The following GRXCR2 variants were observed in gnomAD, a reference collection of about 807,000 sequenced individuals.
GRXCR2 encodes the protein glutaredoxin domain-containing cysteine-rich protein 2.
GRXCR2 carries 23 observed loss-of-function variants against 24.8 expected under a neutral mutation model. The observed-to-expected ratio is 0.93, with a 90% CI of 0.67 to 1.32. The LOEUF (loss-of-function observed/expected upper bound fraction) is 1.32. Among genes scored for constraint, GRXCR2 ranks in the 40% most tolerant of loss-of-function variants. The probability of loss-of-function intolerance (pLI) is 0.00; values close to 1 mark genes in which losing one functional copy is unlikely to be tolerated. For synonymous variants in GRXCR2, 130 were observed against 116.1 expected, an observed-to-expected ratio of 1.12 and a Z score of -0.77; for missense variants, 315 against 303.4, an observed-to-expected ratio of 1.04 and a Z score of -0.28.
At position 145,859,870 on chromosome 5, in the gene GRXCR2, C is replaced by T. The variant is rs922041995; in HGVS notation, c.610G>A (p.Gly204Ser). 2.5e-6 allele frequency: 4 copies of T among 1,608,698 alleles called. No individual in the cohort carries two copies. In the African/African-American group the frequency reaches 4.0e-5, roughly 16 times the overall value. The change falls in exon 3 of 3, where the codon GGC (glycine) becomes AGC (serine). Residue 204 changes from glycine to serine, a missense_variant. By Grantham distance (56) the Gly-to-Ser change is moderately conservative (BLOSUM62 0). Coordinates refer to ENST00000377976, the MANE Select transcript of GRXCR2 (RefSeq NM_001080516.2). ...TGGCACAGAGAGCAGGTGGCACTGC[C>T]CGACCCTCGGCAGTGAAAACAGCTG... ...EDSCFHCRGS[G>S]SATCSLCHGS...
At chr5:145,900,411 C>A (rs1022089816) in intron 2 of GRXCR2, among the ~76,000 whole-genome samples, 1 of 152,148 alleles carries the variant, frequency 6.6e-6, no homozygotes, top group Non-Finnish European at 1.5e-5. Context: ...GCCAATTAAA[C>A]CTCTTTTCTT....
chr5:145,860,919 G>A (rs1423176350), intron 2 of GRXCR2, among the ~76,000 whole-genome samples: 1 of 151,964 alleles, frequency 6.6e-6, no homozygotes, highest in African/African-American at 2.4e-5. Context: ...TCCAGTTCTT[G>A]ACTCCCACTC....
chr5:145,875,033 A>T (rs181528629), upstream of GRXCR2, among the ~76,000 whole-genome samples: 200 of 152,310 alleles, frequency 1.3e-3, 1 homozygote, highest in African/African-American at 4.6e-3. Context: ...ACCTACCGCC[A>T]TTCAGATGCT....
chr5:145,913,973 C>T (rs975885690), intron 2 of GRXCR2, among the ~76,000 whole-genome samples: 3 of 152,210 alleles, frequency 2.0e-5, no homozygotes, highest in Admixed American at 1.3e-4. Flanking sequence ...AATCATGCTG[C>T]AGACCAAAGA....
At chr5:145,863,903 A>T (rs1475705670) in intron 2 of GRXCR2, among the ~76,000 whole-genome samples, 1 of 152,170 alleles carries the variant, frequency 6.6e-6, no homozygotes, top group Non-Finnish European at 1.5e-5. Flanking sequence ...ACAGTTAACT[A>T]ATATTCACTG....
At chr5:145,900,586 G>A (rs1757011486) in intron 2 of GRXCR2, among the ~76,000 whole-genome samples, 1 of 152,136 alleles carries the variant, frequency 6.6e-6, no homozygotes, top group African/African-American at 2.4e-5. Flanking sequence ...AAACCACAGT[G>A]AGATGCCATC....
rs117979272 is a variant in GRXCR2 at position 145,872,904 on chromosome 5, T to C, written c.65A>G (p.Lys22Arg). Residue 22 changes from lysine to arginine, a missense_variant, in exon 1 of 3, where the codon AAA (lysine) becomes AGA (arginine). By Grantham distance (26) the Lys-to-Arg change is conservative. Transcript: ENST00000377976. ...TCGACCGCTGTAGGAGGAGGAGATT[T>C]TAAATCGTACTTTCCGGGGTTTGCC... ...SDGKPRKVRF[K>R]ISSSYSGRVL... The C allele has an allele frequency of 4.6e-5, 74 of 1,614,190 alleles. 1 individual carries two copies. In the East Asian group the frequency reaches 1.6e-3, roughly 35 times the overall value.
intron 2 of GRXCR2, among the ~76,000 whole-genome samples, chr5:145,895,611 A>G (rs1756937653): frequency 6.6e-6 from 1 of 152,198 alleles, no homozygotes; most frequent in African/African-American, 2.4e-5. Context: ...ACTACAAACC[A>G]CTGCTCAATG....
intron 2 of GRXCR2, among the ~76,000 whole-genome samples, chr5:145,927,897 C>T (rs1757423175): frequency 6.6e-6 from 1 of 152,126 alleles, no homozygotes; most frequent in South Asian, 2.1e-4. Flanking sequence ...CCAAAATTGA[C>T]AAATGGGATC....
intron 2 of GRXCR2, among the ~76,000 whole-genome samples, chr5:145,887,822 A>T (rs1335441112): frequency 6.6e-6 from 1 of 152,230 alleles, no homozygotes; most frequent in African/African-American, 2.4e-5. Flanking sequence ...GAAATATCAT[A>T]ACTGTTTCAG....
At chr5:145,860,670 C>A (rs540379393) in intron 2 of GRXCR2, among the ~76,000 whole-genome samples, 1 of 152,228 alleles carries the variant, frequency 6.6e-6, no homozygotes, top group South Asian at 2.1e-4. Context: ...AGCTAAGGCC[C>A]AGTGATTAAG....
At chr5:145,872,580 C>T (rs1756549069) in intron 1 of GRXCR2, 53 bp downstream of exon 1, 2 of 1,447,876 alleles carry the variant, frequency 1.4e-6, no homozygotes, top group African/African-American at 1.4e-5. Flanking sequence ...TTTCTCTAAA[C>T]ACGTTTTAGG....
chr5:145,906,481 G>A (rs1757091373), intron 2 of GRXCR2, among the ~76,000 whole-genome samples: 1 of 152,234 alleles, frequency 6.6e-6, no homozygotes, highest in Admixed American at 6.5e-5. Context: ...AGAGACAGCA[G>A]AGAAAGGAAG....
chr5:145,920,613 T>G (rs773146193), intron 2 of GRXCR2, among the ~76,000 whole-genome samples: 49 of 152,210 alleles, frequency 3.2e-4, no homozygotes, highest in Non-Finnish European at 6.2e-4. Context: ...TCCTTACTGA[T>G]GAAAACCAAG....
intron 2 of GRXCR2, among the ~76,000 whole-genome samples, chr5:145,904,503 T>C (rs1219240224): frequency 2.0e-5 from 3 of 152,198 alleles, no homozygotes; most frequent in Non-Finnish European, 4.4e-5. Flanking sequence ...TAGGTTGCCT[T>C]CCTGCAGCCT....
At chr5:145,883,157 A>T (rs774228644) in intron 2 of GRXCR2, among the ~76,000 whole-genome samples, 6 of 152,030 alleles carry the variant, frequency 3.9e-5, no homozygotes, top group Non-Finnish European at 8.8e-5. Flanking sequence ...TGTCCCCTAG[A>T]ACTTAAAGTA....
At chr5:145,866,826 A>G (rs1756446030) in intron 1 of GRXCR2, 98 bp from the exon 2 acceptor site, 4 of 724,718 alleles carry the variant, frequency 5.5e-6, no homozygotes, top group African/African-American at 1.8e-5. Flanking sequence ...CAGAGAAGGA[A>G]CTTCTACCAC....
intron 2 of GRXCR2, among the ~76,000 whole-genome samples, chr5:145,908,820 G>A (rs144039779): frequency 2.4e-4 from 37 of 152,284 alleles, no homozygotes; most frequent in African/African-American, 7.5e-4. Flanking sequence ...CTGCTGGGAG[G>A]TAGAAGAAAG....
intron 1 of GRXCR2, among the ~76,000 whole-genome samples, chr5:145,870,107 T>C (rs1756505212): frequency 6.6e-6 from 1 of 152,186 alleles, no homozygotes; most frequent in Non-Finnish European, 1.5e-5. Flanking sequence ...ATTTTAACCC[T>C]TTCTAAGTGT....
Sources: allele counts gnomAD v4.1 joint callset (sites outside exome capture counted in the v4.1 genomes callset), GRCh38; gene constraint gnomAD v4.1.1; transcripts MANE v1.5; gene names NCBI Gene and HGNC (gene_info 2026-07-23, HGNC 2026-07-21).